The following ATG7 variants were observed in gnomAD, a reference collection of about 807,000 sequenced individuals.
ATG7 encodes the protein ubiquitin-like modifier-activating enzyme ATG7.
In ATG7, 70 loss-of-function variants were observed where a neutral mutation model predicts 82.4. The observed-to-expected ratio is 0.85, with a 90% CI of 0.70 to 1.04. ATG7 has a LOEUF of 1.04. ATG7 is among the 50% of genes least tolerant of loss of function. The probability of loss-of-function intolerance (pLI) is 0.00; values close to 1 mark genes in which losing one functional copy is unlikely to be tolerated. For synonymous variants in ATG7, 287 were observed against 313.0 expected, an observed-to-expected ratio of 0.92 and a Z score of 0.88; for missense variants, 792 against 864.3, an observed-to-expected ratio of 0.92 and a Z score of 1.05.
intron 20 of ATG7, among the ~76,000 whole-genome samples, chr3:11,486,840 T>TTTTTA (rs34461730): frequency 7.5e-6 from 1 of 133,502 alleles, no homozygotes; most frequent in Admixed American, 7.5e-5. Flanking sequence ...TTTTTTTTTT[T>TTTTTA]AATTTATTTT....
chr3:11,387,312 C>A (rs1233201862), intron 19 of ATG7, among the ~76,000 whole-genome samples: 1 of 152,216 alleles, frequency 6.6e-6, no homozygotes, highest in African/African-American at 2.4e-5. Context: ...CCAGAGAACA[C>A]GGCCTTGCTT....
At chr3:11,364,540 C>A in intron 17 of ATG7, 119 bp from the exon 18 acceptor site, 1 of 1,102,028 alleles carries the variant, frequency 9.1e-7, no homozygotes, top group Non-Finnish European at 1.3e-6. Context: ...CTAACTTACA[C>A]TGCCCAGCAA....
chr3:11,501,370 G>C (rs2091305273), intron 20 of ATG7, among the ~76,000 whole-genome samples: 1 of 152,244 alleles, frequency 6.6e-6, no homozygotes, highest in Non-Finnish European at 1.5e-5. Flanking sequence ...ATAGAAAGCA[G>C]TTAGTAGATA....
chr3:11,497,533 C>CAAAA (rs760302631), intron 20 of ATG7, among the ~76,000 whole-genome samples: 2 of 77,448 alleles, frequency 2.6e-5, no homozygotes, highest in African/African-American at 1.0e-4. Context: ...GAGACTCCAC[C>CAAAA]AAAAAAAAAA....
intron 11 of ATG7, among the ~76,000 whole-genome samples, chr3:11,333,676 A>T (rs889273993): frequency 2.0e-5 from 3 of 151,826 alleles, no homozygotes; most frequent in African/African-American, 7.3e-5. Flanking sequence ...ATATTTACAT[A>T]TGTCACAGAG....
intron 20 of ATG7, among the ~76,000 whole-genome samples, chr3:11,485,618 T>C (rs1036375520): frequency 2.6e-5 from 4 of 152,252 alleles, no homozygotes; most frequent in African/African-American, 9.6e-5. Context: ...TTCTTGCACA[T>C]GCCTATGTCC....
chr3:11,432,463 T>TA (rs11388038), intron 20 of ATG7, among the ~76,000 whole-genome samples: 123,362 of 151,770 alleles, frequency 0.81, 50,371 homozygotes, highest in East Asian at 1. Context: ...GAGCCTTGCA[T>TA]AAGAATGATA....
chr3:11,429,948 G>A (rs1475518050), intron 20 of ATG7, among the ~76,000 whole-genome samples: 45 of 126,134 alleles, frequency 3.6e-4, no homozygotes, highest in African/African-American at 4.6e-4. Context: ...TCTGTCTCAG[G>A]AAAAAAAAAA....
intron 20 of ATG7, among the ~76,000 whole-genome samples, chr3:11,538,874 C>CAGAAA (rs147277293): frequency 1.4e-5 from 2 of 140,194 alleles, no homozygotes; most frequent in African/African-American, 5.4e-5. Flanking sequence ...ACTCTTGTCT[C>CAGAAA]AAAAAAAAAG....
the ATG7 span, chr3:11,568,500 A>G: frequency 6.2e-5 from 90 of 1,463,014 alleles, no homozygotes; most frequent in Non-Finnish European, 8.0e-5. The surrounding 1 kb of genome is among the most constrained non-coding windows in gnomAD (Gnocchi z 5.9). Context: ...CAGTCCGTGG[A>G]ACACAGCACA....
intron 7 of ATG7, among the ~76,000 whole-genome samples, chr3:11,312,577 A>C (rs1406917769): frequency 6.6e-6 from 1 of 152,148 alleles, no homozygotes; most frequent in Non-Finnish European, 1.5e-5. Flanking sequence ...CTGTCCACAA[A>C]GTGAGCTGCC....
At chr3:11,565,061 G>C in the ATG7 span, 2 of 1,453,756 alleles carry the variant, frequency 1.4e-6, no homozygotes, top group Non-Finnish European at 1.8e-6. The surrounding 1 kb of genome is among the most constrained non-coding windows in gnomAD (Gnocchi z 4.1). Flanking sequence ...TTTTCTCAAA[G>C]GCAAAGGGGA....
Position 11,332,886 on chromosome 3 carries a change from G to T in ATG7, c.768-86G>T, listed in dbSNP as rs937944259. ...GAATGCATTGAATTCTCTCCAACTG[G>T]TTTGCTGAAGCTCTTATGTGAGCTT... On this transcript the variant is annotated intron_variant, in intron 10 of 20. Coordinates refer to ENST00000693202, the MANE Select transcript of ATG7 (RefSeq NM_001349232.2). The T allele has an allele frequency of 4.7e-6, 6 of 1,289,958 alleles. No individual in the cohort carries two copies. In the African/African-American group the frequency reaches 9.3e-5, roughly 20 times the overall value. 79.9% of individuals were successfully genotyped at this position (1,289,958 alleles called of 1,614,324 possible).
At chr3:11,519,549 T>TG (rs2092381650) in intron 20 of ATG7, among the ~76,000 whole-genome samples, 1 of 75,448 alleles carries the variant, frequency 1.3e-5, no homozygotes, top group East Asian at 3.0e-4. Flanking sequence ...GTTTTTTTTT[T>TG]TTTTTTTTTT....
At chr3:11,541,172 T>C (rs2070803301) in intron 20 of ATG7, among the ~76,000 whole-genome samples, 1 of 152,232 alleles carries the variant, frequency 6.6e-6, no homozygotes, top group South Asian at 2.1e-4. Flanking sequence ...AGTGCTGGGA[T>C]TACAGGCGTG....
At chr3:11,447,457 A>C (rs987603941) in intron 20 of ATG7, among the ~76,000 whole-genome samples, 12 of 150,786 alleles carry the variant, frequency 8.0e-5, no homozygotes, top group African/African-American at 2.9e-4. Context: ...ACAGTGCAAG[A>C]CTCCGTCTCA....
At chr3:11,532,084 C>T (rs548829742) in intron 20 of ATG7, among the ~76,000 whole-genome samples, 1 of 152,258 alleles carries the variant, frequency 6.6e-6, no homozygotes, top group Admixed American at 6.5e-5. Flanking sequence ...CTCCGCCCCA[C>T]ACGCCACCCT....
intron 19 of ATG7, among the ~76,000 whole-genome samples, chr3:11,386,372 T>C (rs962525321): frequency 6.6e-6 from 1 of 152,190 alleles, no homozygotes; most frequent in African/African-American, 2.4e-5. Context: ...TGTCAACACT[T>C]CTTGACTTAA....
At position 11,377,796 on chromosome 3, in the gene ATG7, T is replaced by C. The variant is rs111836722; in HGVS notation, c.1876-2176T>C. Among the ~76,000 whole-genome samples the C allele has an allele frequency of 6.9e-3, 1,045 of 152,224 alleles. 9 individuals are homozygous for C. Among genetic ancestry groups the C allele is most frequent in the African/African-American group, 0.023 (938 of 41,530 alleles). ...TGTGAGTATTCTCAAGCCTGTAACT[T>C]CCAGAGCTCGTGAAGATTTCAGCAT... On this transcript the variant is annotated intron_variant, in intron 18 of 20. Transcript: ENST00000693202.
Sources: gnomAD v4.1 joint callset for allele counts (sites outside exome capture counted in the v4.1 genomes callset) on GRCh38, gnomAD v4.1.1 for gene constraint, Gnocchi (gnomAD v3.1) non-coding constraint, MANE v1.5 for transcripts, NCBI Gene and HGNC (gene_info 2026-07-23, HGNC 2026-07-21) for gene names.